MAPRE3: variants seen among roughly 807,000 people sequenced by gnomAD.
MAPRE3 encodes microtubule-associated protein RP/EB family member 3.
In MAPRE3, 2 loss-of-function variants were observed where a neutral mutation model predicts 30.5. That is an observed-to-expected ratio of 0.07 (90% CI 0.03 to 0.21). MAPRE3 has a LOEUF of 0.21. MAPRE3 is among the 10% of genes least tolerant of loss of function. The probability of loss-of-function intolerance (pLI) is 1.00; values close to 1 mark genes in which losing one functional copy is unlikely to be tolerated. For synonymous variants in MAPRE3, 110 were observed against 127.7 expected (o/e 0.86, Z 0.93); for missense variants, 204 against 351.8 (o/e 0.58, Z 3.36).
chr2:26,984,143 G>A (rs759654396), intron 1 of MAPRE3, among the ~76,000 whole-genome samples: 7 of 152,080 alleles, frequency 4.6e-5, no homozygotes, highest in African/African-American at 1.5e-4. Flanking sequence ...AAATCATTAC[G>A]ACCTTGCCCA....
rs1370656960 is a variant in MAPRE3, at chr2:27,026,661, G to A, written c.*313G>A. ...CCGCCCCAGCCAGCCACCTGCTCCT[G>A]ACAGCCAGCAGCTGTGTATTTGACA... On this transcript the variant is annotated 3_prime_UTR_variant, in exon 7 of 7. Coordinates refer to ENST00000233121, the MANE Select transcript of MAPRE3 (RefSeq NM_012326.4). 5.9e-6 allele frequency: 2 copies of A among 339,338 alleles called. No homozygotes were observed. The highest frequency in any genetic ancestry group is 1.1e-5 in the Non-Finnish European group (2 of 188,056). The allele number at this position is 339,338 out of a possible 1,614,324, so 21.0% of individuals were successfully genotyped here.
intron 1 of MAPRE3, among the ~76,000 whole-genome samples, chr2:26,973,701 G>T (rs1382039303): frequency 2.0e-5 from 3 of 151,872 alleles, no homozygotes. Context: ...GACTACAGGC[G>T]CCCGCCACCG....
chr2:26,980,224 C>T (rs908092319), intron 1 of MAPRE3, among the ~76,000 whole-genome samples: 1 of 152,086 alleles, frequency 6.6e-6, no homozygotes, highest in Non-Finnish European at 1.5e-5. Flanking sequence ...ATGATGATTG[C>T]TTAGGGTATC....
chr2:27,026,309 G>C lies in MAPRE3; in HGVS notation c.807G>C (p.Glu269Asp). 6.2e-7 allele frequency: 1 copy of C among 1,614,050 alleles called. No individual in the cohort carries two copies. The highest frequency in any genetic ancestry group is 8.5e-7 in the Non-Finnish European group (1 of 1,179,966). The part of the protein sequence containing the change: ...EEGFAPPEDD[E>D]IEEHQQEDQD... The stretch of plus-strand genomic sequence containing the variant: ...GATTCGCACCCCCTGAGGACGATGA[G>C]ATTGAAGAGCATCAACAAGAAGACC... Residue 269 changes from glutamate (E) to aspartate (D), a missense_variant, in exon 7 of 7, where the codon GAG becomes GAC. Glu to Asp is a conservative substitution (Grantham distance 45). Coordinates refer to ENST00000233121, the MANE Select transcript of MAPRE3 (RefSeq NM_012326.4).
In MAPRE3 at chr2:26,996,303, C is replaced by A. The variant is rs972695518; in HGVS notation, c.-8+25501C>A. ...CCGAATAACTGGGAATACAGGTGTG[C>A]ACCACCTTGCCCCACTAATCTTTTT... On this transcript the variant is annotated intron_variant, in intron 1 of 6. Coordinates refer to ENST00000233121, the MANE Select transcript of MAPRE3 (RefSeq NM_012326.4). 3.3e-5 allele frequency among the ~76,000 whole-genome samples: 5 copies of A among 152,054 alleles called. No individual in the cohort carries two copies. In the South Asian group the frequency reaches 8.3e-4, roughly 25 times the overall value.
chr2:27,025,803 G>A (rs1667227469), intron 5 of MAPRE3, 66 bp downstream of exon 5: 1 of 1,613,514 alleles, frequency 6.2e-7, no homozygotes, highest in Non-Finnish European at 8.5e-7. Flanking sequence ...TGGGGTGTCT[G>A]CAGGGACGAG....
intron 1 of MAPRE3, chr2:27,013,500 A>C (rs150701460): frequency 1.4e-4 from 22 of 152,296 alleles, no homozygotes; most frequent in African/African-American, 5.3e-4. Context: ...TAAAAGCAGA[A>C]AACCACACTT....
chr2:26,989,309 T>C (rs1210606184), intron 1 of MAPRE3, among the ~76,000 whole-genome samples: 1 of 152,136 alleles, frequency 6.6e-6, no homozygotes, highest in Non-Finnish European at 1.5e-5. Context: ...GGGAAAGAAA[T>C]GACTCGTCTC....
intron 1 of MAPRE3, among the ~76,000 whole-genome samples, chr2:26,972,155 G>A (rs751941837): frequency 1.3e-5 from 2 of 152,096 alleles, no homozygotes; most frequent in Non-Finnish European, 2.9e-5. Context: ...AAATTTCAGT[G>A]TGCTTTTAGA....
At chr2:27,014,225 T>A (rs1005462981) in intron 1 of MAPRE3, 4 of 152,240 alleles carry the variant, frequency 2.6e-5, no homozygotes, top group Non-Finnish European at 2.9e-5. Flanking sequence ...TTTTGTTTAC[T>A]ATACTGCAGG....
rs531651199 is a variant in MAPRE3, at chr2:26,999,488, C to CTTTTTTTTTTT, written c.-7-22707_-7-22697dup. 4.3e-3 allele frequency among the ~76,000 whole-genome samples: 342 copies of CTTTTTTTTTTT among 78,990 alleles called. 27 individuals are homozygous for CTTTTTTTTTTT. The highest frequency in any genetic ancestry group is 5.5e-3 in the Non-Finnish European group (244 of 44,038). 51.8% of individuals were successfully genotyped at this position (78,990 alleles called of 152,430 possible). On this transcript the variant is annotated intron_variant, in intron 1 of 6. Transcript: ENST00000233121. Reference sequence around the variant, plus strand: ...TTTTTTCTTCTTTCTTTCCTTCTTTCTTTTTTTTTTTTTTTTTTTTTTTTT... The same window carrying CTTTTTTTTTTT: ...TTTTTTCTTCTTTCTTTCCTTCTTTCTTTTTTTTTTTTTTTTTTTTTTTTTTTTTTTTTTTT...
intron 1 of MAPRE3, among the ~76,000 whole-genome samples, chr2:27,010,816 A>G (rs1040298223): frequency 2.0e-5 from 3 of 152,166 alleles, no homozygotes; most frequent in Middle Eastern, 3.2e-3. Context: ...GTCACTCACT[A>G]TCTACCTGAA....
At chr2:27,022,671 T>A in intron 2 of MAPRE3, 1 of 231,098 alleles carries the variant, frequency 4.3e-6, no homozygotes, top group East Asian at 9.8e-5. Context: ...TACCTAAACA[T>A]AGAAAAGGTG....
Position 26,974,630 on chromosome 2 carries a change from G to A in MAPRE3, c.-8+3828G>A, listed in dbSNP as rs551229514. On this transcript the variant is annotated intron_variant, in intron 1 of 6. Coordinates refer to ENST00000233121, the MANE Select transcript of MAPRE3 (RefSeq NM_012326.4). Reference sequence around the variant, plus strand: ...CTTCTAAACCCTCTCCTTGGGAAGCGCGGAGGCAGCCTGACCTCTGGAAGC... The same window carrying A: ...CTTCTAAACCCTCTCCTTGGGAAGCACGGAGGCAGCCTGACCTCTGGAAGC... Among the ~76,000 whole-genome samples the A allele has an allele frequency of 5.3e-5, 8 of 152,268 alleles. No homozygotes were observed. The South Asian group carries it at 1.0e-3, about 20-fold the overall frequency.
chr2:26,979,647 A>T (rs1458180371), intron 1 of MAPRE3, among the ~76,000 whole-genome samples: 1 of 152,190 alleles, frequency 6.6e-6, no homozygotes, highest in East Asian at 1.9e-4. Context: ...AAGGATGAGC[A>T]GGCTGTGAGT....
At chr2:26,984,619 C>T (rs1325602923) in intron 1 of MAPRE3, among the ~76,000 whole-genome samples, 4 of 152,256 alleles carry the variant, frequency 2.6e-5, no homozygotes, top group Non-Finnish European at 5.9e-5. Flanking sequence ...CCTTCTTCTG[C>T]ATATGCAGCT....
intron 1 of MAPRE3, among the ~76,000 whole-genome samples, chr2:26,995,779 A>AGG (rs1278238589): frequency 9.7e-5 from 3 of 31,044 alleles, no homozygotes; most frequent in African/African-American, 2.8e-4. Context: ...TTTCTAAGAG[A>AGG]GGTGTGTGTG....
In MAPRE3 at chr2:27,001,411, C is replaced by T. The variant is rs1053786609; in HGVS notation, c.-7-20801C>T. ...ATCCCAGCACTTTAGGAGGTTGAGG[C>T]GGCAGGATCACTTGAGTCCAGGAGT... On this transcript the variant is annotated intron_variant, in intron 1 of 6. Transcript: ENST00000233121. Among the ~76,000 whole-genome samples the T allele has an allele frequency of 2.6e-5, 4 of 152,096 alleles. 1 individual carries two copies. Among genetic ancestry groups the T allele is most frequent in the Admixed American group, 2.0e-4 (3 of 15,282 alleles).
At chr2:26,982,755 G>C (rs952393195) in intron 1 of MAPRE3, among the ~76,000 whole-genome samples, 3 of 152,150 alleles carry the variant, frequency 2.0e-5, no homozygotes, top group South Asian at 2.1e-4. Flanking sequence ...CATGAGGCAG[G>C]GACCATGTGA....
Sources: gnomAD v4.1 joint callset for allele counts (sites outside exome capture counted in the v4.1 genomes callset) on GRCh38, gnomAD v4.1.1 for gene constraint, MANE v1.5 for transcripts, NCBI Gene and HGNC (gene_info 2026-07-23, HGNC 2026-07-21) for gene names.